Variants in OIP5 observed in about 807,000 individuals in gnomAD.
OIP5 encodes the protein Opa interacting protein 5.
In OIP5, 24 loss-of-function variants were observed where a neutral mutation model predicts 20.3. The observed-to-expected ratio is 1.18, with a 90% CI of 0.86 to 1.66. The LOEUF (loss-of-function observed/expected upper bound fraction) is 1.66, where lower values mean the gene tolerates loss of function less well. Among genes scored for constraint, OIP5 ranks in the 40% most tolerant of loss-of-function variants. The probability of loss-of-function intolerance (pLI) is 0.00; values close to 1 mark genes in which losing one functional copy is unlikely to be tolerated. For missense variants in OIP5, 339 were observed against 289.5 expected (o/e 1.17, Z -1.24); for synonymous variants, 143 against 121.3 (o/e 1.18, Z -1.17).
chr15:41,313,202 A>G, intron 4 of OIP5, 71 bp downstream of exon 4: 1 of 903,270 alleles, frequency 1.1e-6, no homozygotes, highest in Non-Finnish European at 1.8e-6. Flanking sequence ...CATCATCCCC[A>G]AGTTCATTGG....
chr15:41,316,262 G>C (rs2047788134), intron 3 of OIP5, among the ~76,000 whole-genome samples: 2 of 152,170 alleles, frequency 1.3e-5, no homozygotes, highest in Admixed American at 1.3e-4. Flanking sequence ...AGTGAGCTGA[G>C]ATCATGCCAT....
In OIP5 at chr15:41,332,457, G is replaced by A; in HGVS notation, c.105C>T (p.Thr35=). ...ERAIDQASFT[T]SMEWDTQVVK... ...CCACCTGCGTATCCCACTCCATGGA[G>A]GTCGTAAAAGAAGCTTGGTCAATCG... The change falls in exon 1 of 5, where the codon ACC becomes ACT. Residue 35 remains threonine (T), a synonymous_variant. Transcript: ENST00000220514. 6.2e-7 allele frequency: 1 copy of A among 1,614,094 alleles called. No homozygotes were observed. Among genetic ancestry groups the A allele is most frequent in the Middle Eastern group, 1.6e-4 (1 of 6,062 alleles).
chr15:41,331,078 G>A (rs750982889), intron 2 of OIP5, among the ~76,000 whole-genome samples: 7 of 152,158 alleles, frequency 4.6e-5, no homozygotes, highest in Admixed American at 2.0e-4. Context: ...AATCTTCCTG[G>A]TTACTGGACA....
chr15:41,310,394 A>G (rs1052229888), intron 4 of OIP5, among the ~76,000 whole-genome samples: 1 of 152,210 alleles, frequency 6.6e-6, no homozygotes, highest in African/African-American at 2.4e-5. Flanking sequence ...TGGGAGGCTA[A>G]GTTGGGCAGA....
At position 41,326,174 on chromosome 15, in the gene OIP5, A is replaced by G. The variant is rs576893854; in HGVS notation, c.389+5741T>C. Among the ~76,000 whole-genome samples the G allele has an allele frequency of 2.6e-5, 4 of 152,334 alleles. No homozygotes were observed. In the South Asian group the frequency reaches 8.3e-4, roughly 32 times the overall value. On this transcript the variant is annotated intron_variant, in intron 2 of 4. Transcript: ENST00000220514. The stretch of plus-strand genomic sequence containing the variant: ...GTGACTCCATCTCAAAAAAACAAAC[A>G]AACAAAAAAGCAGTATCTGCAAGTG...
intron 4 of OIP5, among the ~76,000 whole-genome samples, chr15:41,311,004 C>T (rs1416602888): frequency 6.6e-6 from 1 of 152,128 alleles, no homozygotes; most frequent in Non-Finnish European, 1.5e-5. Flanking sequence ...TTCGCCCCTC[C>T]CAGCATAGGA....
chr15:41,320,971 C>T lies in OIP5; in HGVS notation c.390-1191G>A, dbSNP rs572680698. Among the ~76,000 whole-genome samples the T allele has an allele frequency of 2.5e-4, 38 of 151,514 alleles. No individual in the cohort carries two copies. The East Asian group carries it at 4.9e-3, about 19-fold the overall frequency. ...GATGTGAGGAGCGCCTCTGCCCGGC[C>T]GCGACCCTGCCTGGGAGGTGAGGAG... On this transcript the variant is annotated intron_variant, in intron 2 of 4. Coordinates refer to ENST00000220514, the MANE Select transcript of OIP5 (RefSeq NM_007280.2).
intron 2 of OIP5, among the ~76,000 whole-genome samples, chr15:41,320,421 G>A (rs2140462327): frequency 6.8e-6 from 1 of 146,314 alleles, no homozygotes; most frequent in Admixed American, 6.8e-5. Flanking sequence ...GCGATTGCAG[G>A]CACGCGCCGC....
At chr15:41,325,732 C>T (rs1355241821) in intron 2 of OIP5, among the ~76,000 whole-genome samples, 1 of 151,804 alleles carries the variant, frequency 6.6e-6, no homozygotes, top group Admixed American at 6.6e-5. Flanking sequence ...CACCTGTAAT[C>T]CCAGCTACTA....
chr15:41,328,011 G>C (rs1036478851), intron 2 of OIP5, among the ~76,000 whole-genome samples: 3 of 152,080 alleles, frequency 2.0e-5, no homozygotes, highest in African/African-American at 7.2e-5. Flanking sequence ...TGAGGTGAAA[G>C]GATGGCTTGA....
Position 41,310,536 on chromosome 15 carries a change from A to G in OIP5, c.595-687T>C, listed in dbSNP as rs550771326. Among the ~76,000 whole-genome samples the G allele has an allele frequency of 3.9e-5, 6 of 152,086 alleles. No homozygotes were observed. The South Asian group carries it at 6.2e-4, about 16-fold the overall frequency. On this transcript the variant is annotated intron_variant, in intron 4 of 4. Coordinates refer to ENST00000220514, the MANE Select transcript of OIP5 (RefSeq NM_007280.2). ...TCCCAGCTACTCAGGAGGCTGAGGCAAGAGAATGAGTGAACCCAGGAGGCA... is the reference window on the plus strand; with the variant it reads ...TCCCAGCTACTCAGGAGGCTGAGGCGAGAGAATGAGTGAACCCAGGAGGCA...
At position 41,332,493 on chromosome 15, in the gene OIP5, G is replaced by C. The variant is rs747584665; in HGVS notation, c.69C>G (p.Gly23=). 6.2e-7 allele frequency: 1 copy of C among 1,614,024 alleles called. No homozygotes were observed. The highest frequency in any genetic ancestry group is 1.1e-5 in the South Asian group (1 of 91,086). ...AAGCTTGGTCAATCGCCCTCTCAGTGCCACCACAAAAGTCCCCCCGGGGCG... is the reference window on the plus strand; with the variant it reads ...AAGCTTGGTCAATCGCCCTCTCAGTCCCACCACAAAAGTCCCCCCGGGGCG... ...ATPPRGDFCG[G]TERAIDQASF... Residue 23 remains glycine, a synonymous_variant, in exon 1 of 5, where the codon GGC becomes GGG. Coordinates refer to ENST00000220514, the MANE Select transcript of OIP5 (RefSeq NM_007280.2).
chr15:41,314,980 G>C (rs796733706), intron 3 of OIP5, among the ~76,000 whole-genome samples: 74 of 151,590 alleles, frequency 4.9e-4, no homozygotes, highest in African/African-American at 1.7e-3. Flanking sequence ...CAGATGTGGT[G>C]GCATGCCTGT....
rs1224151594 is a variant in OIP5 at position 41,332,579 on chromosome 15, C to T, written c.-18G>A. On this transcript the variant is annotated 5_prime_UTR_variant, in exon 1 of 5. Coordinates refer to ENST00000220514, the MANE Select transcript of OIP5 (RefSeq NM_007280.2). ...GCCGCCATCTTCCCGCAGCCGGCGC[C>T]TTCCTTTCGAATACACGCCAGGCCC... 2.5e-6 allele frequency: 4 copies of T among 1,585,868 alleles called. No individual in the cohort carries two copies. Among genetic ancestry groups the T allele is most frequent in the Non-Finnish European group, 2.6e-6 (3 of 1,166,666 alleles).
At chr15:41,321,081 CG>C (rs1254303022) in intron 2 of OIP5, among the ~76,000 whole-genome samples, 1 of 100,940 alleles carries the variant, frequency 9.9e-6, no homozygotes, top group African/African-American at 2.8e-5. Context: ...GGAGCCCCTC[CG>C]CCCGGCAGCC....
At position 41,309,649 on chromosome 15, in the gene OIP5, C is replaced by T; in HGVS notation, c.*105G>A. ...CTAAAGGTAAATAGAAACTGCATTT[C>T]CCCTCCATTCTTGAAGCCAATCTTT... On this transcript the variant is annotated 3_prime_UTR_variant, in exon 5 of 5. Transcript: ENST00000220514. 1 of 700,400 alleles carries T rather than the reference C, an allele frequency of 1.4e-6. No individual in the cohort carries two copies. Among genetic ancestry groups the T allele is most frequent in the Admixed American group, 2.7e-5 (1 of 37,204 alleles). The allele number at this position is 700,400 out of a possible 1,614,324, so 43.4% of individuals were successfully genotyped here.
intron 4 of OIP5, 119 bp downstream of exon 4, chr15:41,313,153 CA>C: frequency 1.5e-6 from 1 of 685,836 alleles, no homozygotes. Context: ...TAGGGAAGGT[CA>C]AATCAAGTAA....
rs869073906 is a variant in OIP5 at position 41,323,985 on chromosome 15, C to CTTTT, written c.390-4209_390-4206dup. Among the ~76,000 whole-genome samples the CTTTT allele has an allele frequency of 7.5e-5, 8 of 107,046 alleles. 1 individual carries two copies. The highest frequency in any genetic ancestry group is 7.4e-5 in the Non-Finnish European group (4 of 54,148). 70.2% of individuals were successfully genotyped at this position (107,046 alleles called of 152,430 possible). On this transcript the variant is annotated intron_variant, in intron 2 of 4. Transcript: ENST00000220514. ...CTTAAATCTCATGAACCAACCTCTG[C>CTTTT]TTTTTTTTTTTTTTTTTTTTTTAAG...
chr15:41,316,833 T>C (rs2047791701), intron 3 of OIP5, among the ~76,000 whole-genome samples: 1 of 151,674 alleles, frequency 6.6e-6, no homozygotes, highest in South Asian at 2.1e-4. Context: ...AGGAAACCTT[T>C]TAGTTTTATG....
Sources: allele counts gnomAD v4.1 joint callset (sites outside exome capture counted in the v4.1 genomes callset), GRCh38; gene constraint gnomAD v4.1.1; transcripts MANE v1.5; gene names NCBI Gene and HGNC (gene_info 2026-07-23, HGNC 2026-07-21).